The following UCHL3 variants were observed in gnomAD, a reference collection of about 807,000 sequenced individuals.
UCHL3 encodes the protein ubiquitin C-terminal hydrolase L3, also known as ubiquitin carboxyl-terminal hydrolase isozyme L3.
In UCHL3, 22 loss-of-function variants were observed where a neutral mutation model predicts 35.8. The observed-to-expected ratio is 0.61, with a 90% CI of 0.44 to 0.88. UCHL3 has a LOEUF of 0.88. UCHL3 is among the 40% of genes least tolerant of loss of function. The probability of loss-of-function intolerance (pLI) is 0.00; values close to 1 mark genes in which losing one functional copy is unlikely to be tolerated. For synonymous variants in UCHL3, 90 were observed against 92.8 expected (o/e 0.97, Z 0.17); for missense variants, 229 against 276.9 (o/e 0.83, Z 1.23).
At chr13:75,572,056 CT>C (rs1298706740) in intron 6 of UCHL3, among the ~76,000 whole-genome samples, 3 of 143,282 alleles carry the variant, frequency 2.1e-5, no homozygotes, top group Non-Finnish European at 3.0e-5. Flanking sequence ...TCCTTCCTTT[CT>C]TTCCTTCCTT....
At position 75,555,784 on chromosome 13, in the gene UCHL3, G is replaced by C. The variant is rs147593684; in HGVS notation, c.55-4969G>C. ...AAAATTTATTTCTTTTTGAGATGGA[G>C]GTCACACTATGTTGCCCAGGCTGGC... On this transcript the variant is annotated intron_variant, in intron 2 of 8. Transcript: ENST00000377595. Among the ~76,000 whole-genome samples, 764 of 152,130 alleles carry C rather than the reference G, an allele frequency of 5.0e-3. 10 individuals are homozygous for C. The highest frequency in any genetic ancestry group is 0.017 in the African/African-American group (723 of 41,520).
intron 6 of UCHL3, among the ~76,000 whole-genome samples, chr13:75,582,191 G>A (rs79621056): frequency 6.6e-6 from 1 of 150,912 alleles, no homozygotes; most frequent in East Asian, 1.9e-4. Context: ...GTGTGTAAGT[G>A]AATGTGTGTG....
At chr13:75,572,035 C>A (rs1566216897) in intron 6 of UCHL3, among the ~76,000 whole-genome samples, 31 of 149,846 alleles carry the variant, frequency 2.1e-4, no homozygotes, top group African/African-American at 7.3e-4. Flanking sequence ...CTTTACTTTT[C>A]CTTCCTTCCT....
At chr13:75,554,612 TCTC>T (rs2031229536) in intron 2 of UCHL3, among the ~76,000 whole-genome samples, 1 of 152,160 alleles carries the variant, frequency 6.6e-6, no homozygotes, top group Non-Finnish European at 1.5e-5. Context: ...TTCTTCTGCT[TCTC>T]CTTTTGCTTC....
chr13:75,598,486 GTTTC>G (rs1208864466), intron 7 of UCHL3, among the ~76,000 whole-genome samples: 1 of 152,134 alleles, frequency 6.6e-6, no homozygotes, highest in Non-Finnish European at 1.5e-5. Context: ...AATTTGTCAT[GTTTC>G]TTTGTCTTCT....
intron 6 of UCHL3, among the ~76,000 whole-genome samples, chr13:75,593,166 A>G (rs1452057468): frequency 6.6e-6 from 1 of 152,170 alleles, no homozygotes. Context: ...ATCCTGTTGG[A>G]AAATTGTCTT....
At chr13:75,557,116 G>A (rs1342344361) in intron 2 of UCHL3, among the ~76,000 whole-genome samples, 3 of 152,122 alleles carry the variant, frequency 2.0e-5, no homozygotes, top group African/African-American at 7.2e-5. Context: ...CTGGGAGGCT[G>A]AGGCAGGAGG....
At chr13:75,567,442 C>CAAAAGG in intron 5 of UCHL3, 130 bp downstream of exon 5, 1 of 747,262 alleles carries the variant, frequency 1.3e-6, no homozygotes, top group Non-Finnish European at 2.2e-6. Flanking sequence ...TTAAGAAAAG[C>CAAAAGG]CTTTTGTACT....
At chr13:75,566,395 T>A (rs1222797773) in intron 3 of UCHL3, among the ~76,000 whole-genome samples, 1 of 152,162 alleles carries the variant, frequency 6.6e-6, no homozygotes, top group East Asian at 1.9e-4. Context: ...CTTATTGGAG[T>A]GTATGAGAAT....
chr13:75,584,171 G>C (rs1356627423), intron 6 of UCHL3, among the ~76,000 whole-genome samples: 1 of 152,172 alleles, frequency 6.6e-6, no homozygotes, highest in Non-Finnish European at 1.5e-5. Flanking sequence ...AGACCCCTGA[G>C]AAAGTCTTGT....
intron 2 of UCHL3, among the ~76,000 whole-genome samples, chr13:75,557,101 G>A (rs11841712): frequency 1.5e-4 from 23 of 152,086 alleles, no homozygotes; most frequent in African/African-American, 5.1e-4. Context: ...TGTAGTCTCA[G>A]CTATCTGGGA....
intron 2 of UCHL3, among the ~76,000 whole-genome samples, chr13:75,553,716 C>T (rs1264122960): frequency 6.6e-6 from 1 of 152,188 alleles, no homozygotes; most frequent in Non-Finnish European, 1.5e-5. Flanking sequence ...AACATTGCCA[C>T]CAAATTGGAA....
chr13:75,605,598 CTTTAT>C, intron 8 of UCHL3, 126 bp from the exon 9 acceptor site: 1 of 865,142 alleles, frequency 1.2e-6, no homozygotes, highest in Non-Finnish European at 1.8e-6. Flanking sequence ...TTCTGGTGTT[CTTTAT>C]TTCTCATTTG....
At chr13:75,562,181 A>G (rs918436994) in intron 3 of UCHL3, among the ~76,000 whole-genome samples, 2 of 152,104 alleles carry the variant, frequency 1.3e-5, no homozygotes, top group African/African-American at 4.8e-5. Flanking sequence ...CATTTTCTTT[A>G]TGCTATAACA....
chr13:75,594,970 A>T lies in UCHL3; in HGVS notation c.530A>T (p.Asp177Val). The T allele has an allele frequency of 6.2e-7, 1 of 1,606,850 alleles. No homozygotes were observed. Among genetic ancestry groups the T allele is most frequent in the Non-Finnish European group, 8.5e-7 (1 of 1,178,016 alleles). ...DLHFIALVHVDGHLYELDGRK... is the reference protein window; with the variant it reads ...DLHFIALVHVVGHLYELDGRK... ...CATTTTATTGCATTAGTTCATGTAG[A>T]TGGGCATCTCTATGAATTAGGTAAG... is the stretch of plus-strand genomic sequence containing the variant. The change falls in exon 7 of 9, where the codon GAT becomes GTT. Residue 177 changes from aspartate to valine, a missense_variant. Asp to Val is a radical substitution (Grantham distance 152, BLOSUM62 -3). Coordinates refer to ENST00000377595, the MANE Select transcript of UCHL3 (RefSeq NM_006002.5).
At chr13:75,604,955 C>A in intron 8 of UCHL3, 128 bp downstream of exon 8, 1 of 728,100 alleles carries the variant, frequency 1.4e-6, no homozygotes, top group Non-Finnish European at 2.0e-6. Context: ...TCTAGAAAAT[C>A]CAAAAAGAAA....
chr13:75,557,086 A>G (rs1000624413), intron 2 of UCHL3, among the ~76,000 whole-genome samples: 3 of 152,066 alleles, frequency 2.0e-5, no homozygotes, highest in Non-Finnish European at 4.4e-5. Flanking sequence ...GTGATGATGT[A>G]TGCCTGTAGT....
At chr13:75,564,153 A>G (rs117603542) in intron 3 of UCHL3, among the ~76,000 whole-genome samples, 3,920 of 148,778 alleles carry the variant, frequency 0.026, 63 homozygotes, top group African/African-American at 0.03. Flanking sequence ...AAGTGCAGAT[A>G]TCTTTTTTTT....
chr13:75,561,827 G>GTATACGTATATACA (rs1566211557), intron 3 of UCHL3, among the ~76,000 whole-genome samples: 1 of 93,236 alleles, frequency 1.1e-5, no homozygotes, highest in African/African-American at 3.0e-5. Flanking sequence ...ACGTATATAC[G>GTATACGTATATACA]TACGTATATA....
Sources: gnomAD v4.1 joint callset for allele counts (sites outside exome capture counted in the v4.1 genomes callset) on GRCh38, gnomAD v4.1.1 for gene constraint, MANE v1.5 for transcripts, NCBI Gene and HGNC (gene_info 2026-07-23, HGNC 2026-07-21) for gene names.